The following SCN8A variants were observed in gnomAD, a reference collection of about 807,000 sequenced individuals.
SCN8A encodes sodium voltage-gated channel alpha subunit 8, also known as sodium channel protein type 8 subunit alpha.
SCN8A carries 30 observed loss-of-function variants against 184.1 expected under a neutral mutation model. The observed-to-expected ratio is 0.16, with a 90% CI of 0.12 to 0.22. SCN8A has a LOEUF of 0.22. Among genes scored for constraint, SCN8A ranks in the 10% least tolerant of loss-of-function variants. SCN8A has a pLI of 1.00. For missense variants in SCN8A, 1,057 were observed against 2,498.9 expected (o/e 0.42, Z 12.30); for synonymous variants, 852 against 907.0 (o/e 0.94, Z 1.09).
At chr12:51,650,265 C>T (rs1244285071) in intron 1 of SCN8A, among the ~76,000 whole-genome samples, 1 of 152,178 alleles carries the variant, frequency 6.6e-6, no homozygotes, top group East Asian at 1.9e-4. Flanking sequence ...TTCCTGTCTT[C>T]TTCTGAGCCC....
chr12:51,802,100 C>T (rs977553420), intron 26 of SCN8A, among the ~76,000 whole-genome samples: 4 of 152,038 alleles, frequency 2.6e-5, no homozygotes, highest in East Asian at 1.9e-4. Flanking sequence ...TAGCTCATCT[C>T]GTGAGTCACA....
At chr12:51,767,741 G>T (rs753041557) in intron 16 of SCN8A, among the ~76,000 whole-genome samples, 1 of 152,136 alleles carries the variant, frequency 6.6e-6, no homozygotes, top group Admixed American at 6.5e-5. Context: ...AGATTCTAAT[G>T]CATGCTAAGA....
chr12:51,662,912 G>A lies in SCN8A; in HGVS notation c.95G>A (p.Ser32Asn), dbSNP rs375419028. ...AACATTGAGAGGCGCATTGCTGAGAGCAAGCTCAAGAAACCACCAAAGGCC... is the reference window on the plus strand; with the variant it reads ...AACATTGAGAGGCGCATTGCTGAGAACAAGCTCAAGAAACCACCAAAGGCC... The part of the protein sequence containing the change: ...LANIERRIAE[S>N]KLKKPPKADG... The change falls in exon 2 of 27, where the codon AGC becomes AAC. Residue 32 changes from serine (S) to asparagine (N), a missense_variant. Transcript: ENST00000627620. The A allele has an allele frequency of 6.0e-5, 97 of 1,614,034 alleles. No homozygotes were observed. The highest frequency in any genetic ancestry group is 4.9e-4 in the Middle Eastern group (3 of 6,062).
rs1166472701 is a variant in SCN8A, at chr12:51,747,081, CTGTGTGTA to C, written c.2131+1054_2131+1061del. On this transcript the variant is annotated intron_variant, in intron 13 of 26. Transcript: ENST00000627620. ...ATTTAAACCCAGTGCCACTTCTACT[CTGTGTGTA>C]TGTGTGTGTGTGTGTGTGTGTGTGT... 5.8e-3 allele frequency among the ~76,000 whole-genome samples: 527 copies of C among 90,566 alleles called. 3 individuals carry two copies. The highest frequency in any genetic ancestry group is 0.013 in the East Asian group (41 of 3,218). The allele number at this position is 90,566 out of a possible 152,430, so 59.4% of individuals were successfully genotyped here.
At chr12:51,732,333 T>G (rs1054203792) in intron 12 of SCN8A, among the ~76,000 whole-genome samples, 1 of 152,216 alleles carries the variant, frequency 6.6e-6, no homozygotes, top group African/African-American at 2.4e-5. Context: ...GACTGTCTTT[T>G]CCCCAGTGTT....
At chr12:51,691,659 G>A (rs1941510819) in intron 6 of SCN8A, among the ~76,000 whole-genome samples, 1 of 152,146 alleles carries the variant, frequency 6.6e-6, no homozygotes, top group Non-Finnish European at 1.5e-5. Flanking sequence ...GGCTTTGGGA[G>A]GCTAACTGGG....
At chr12:51,688,536 T>C (rs935761927) in intron 5 of SCN8A, among the ~76,000 whole-genome samples, 2 of 152,226 alleles carry the variant, frequency 1.3e-5, no homozygotes, top group Non-Finnish European at 2.9e-5. Context: ...ATTACTATGC[T>C]GATTAAAGGA....
intron 1 of SCN8A, among the ~76,000 whole-genome samples, chr12:51,635,230 A>G (rs1270734194): frequency 6.6e-6 from 1 of 152,214 alleles, no homozygotes; most frequent in African/African-American, 2.4e-5. Flanking sequence ...TATCACTTTT[A>G]TAGAAAACTA....
intron 1 of SCN8A, among the ~76,000 whole-genome samples, chr12:51,617,085 ATTTC>A (rs1290851042): frequency 6.6e-6 from 1 of 151,834 alleles, no homozygotes; most frequent in East Asian, 1.9e-4. Flanking sequence ...TTGCACAAGG[ATTTC>A]TTTGAGTTTA....
At chr12:51,701,275 T>TA (rs1941682984) in intron 8 of SCN8A, 68 bp downstream of exon 8, 2 of 984,554 alleles carry the variant, frequency 2.0e-6, no homozygotes, top group African/African-American at 3.3e-5. Context: ...AGGGTCAAAA[T>TA]AGGCAATATG....
intron 6 of SCN8A, among the ~76,000 whole-genome samples, chr12:51,693,071 C>T (rs1450969421): frequency 6.6e-6 from 1 of 152,190 alleles, no homozygotes; most frequent in Non-Finnish European, 1.5e-5. Flanking sequence ...TGGGATCAGA[C>T]AGGAAGCAGG....
rs1938828734 is a variant in SCN8A, at chr12:51,809,653, C to T, written c.*2224C>T. On this transcript the variant is annotated 3_prime_UTR_variant, in exon 27 of 27. Coordinates refer to ENST00000627620, the MANE Select transcript of SCN8A (RefSeq NM_001330260.2). ...AGGCTACATTGTAAACAGCACAAAA[C>T]AGAAGCTGACATGTGTGGTTATTCT... 6.6e-6 allele frequency: 1 copy of T among 152,228 alleles called. No individual in the cohort carries two copies. The highest frequency in any genetic ancestry group is 6.5e-5 in the Admixed American group (1 of 15,280). 9.4% of individuals were successfully genotyped at this position (152,228 alleles called of 1,614,324 possible).
Position 51,811,900 on chromosome 12 carries a change from C to G in SCN8A, c.*4471C>G, listed in dbSNP as rs529747857. 1 of 152,356 alleles carries G rather than the reference C, an allele frequency of 6.6e-6. No homozygotes were observed. The highest frequency in any genetic ancestry group is 6.5e-5 in the Admixed American group (1 of 15,302). 9.4% of individuals were successfully genotyped at this position (152,356 alleles called of 1,614,324 possible). A position where few individuals can be genotyped will look rare whatever the true frequency, so the allele number is the denominator to read the frequency against. ...GCATCTTCTGTAATGATGCCTCTTT[C>G]TTTTCTCAGATGTTGCCCACAGTTT... On this transcript the variant is annotated 3_prime_UTR_variant, in exon 27 of 27. Coordinates refer to ENST00000627620, the MANE Select transcript of SCN8A (RefSeq NM_001330260.2).
At chr12:51,609,861 T>C (rs2138575074) in intron 1 of SCN8A, among the ~76,000 whole-genome samples, 1 of 150,748 alleles carries the variant, frequency 6.6e-6, no homozygotes, top group South Asian at 2.1e-4. Context: ...TTAGGAGATA[T>C]ACCTAATGTT....
At chr12:51,799,687 A>C (rs1033566344) in intron 26 of SCN8A, among the ~76,000 whole-genome samples, 4 of 152,028 alleles carry the variant, frequency 2.6e-5, no homozygotes, top group Non-Finnish European at 5.9e-5. Flanking sequence ...CCCACTCAAA[A>C]CTGGCAGCCT....
intron 11 of SCN8A, among the ~76,000 whole-genome samples, chr12:51,710,352 C>T (rs1941853995): frequency 6.6e-6 from 1 of 152,110 alleles, no homozygotes; most frequent in Admixed American, 6.6e-5. Flanking sequence ...CTGTGGTTTG[C>T]TCAAGAAACA....
chr12:51,802,176 G>C (rs148846037), intron 26 of SCN8A, among the ~76,000 whole-genome samples: 9 of 152,174 alleles, frequency 5.9e-5, no homozygotes, highest in Non-Finnish European at 8.8e-5. Context: ...AAACAAACAG[G>C]GGTGTTGGGG....
Position 51,730,454 on chromosome 12 carries a change from A to T in SCN8A, c.1998+8546A>T, listed in dbSNP as rs144086410. On this transcript the variant is annotated intron_variant, in intron 12 of 26. Coordinates refer to ENST00000627620, the MANE Select transcript of SCN8A (RefSeq NM_001330260.2). ...ACTTTAATTCTTGAAATGTGGTAGT[A>T]TAAGCCCTAAGAACAAAAAATAATA... is the stretch of plus-strand genomic sequence containing the variant. 4.6e-5 allele frequency among the ~76,000 whole-genome samples: 7 copies of T among 152,350 alleles called. No individual in the cohort carries two copies. In the East Asian group the frequency reaches 1.3e-3, roughly 29 times the overall value.
chr12:51,632,733 A>G (rs942522461), intron 1 of SCN8A, among the ~76,000 whole-genome samples: 3 of 152,198 alleles, frequency 2.0e-5, no homozygotes, highest in African/African-American at 7.2e-5. Flanking sequence ...TTCTTTTATG[A>G]ACAAGAGAAT....
Sources: allele counts gnomAD v4.1 joint callset (sites outside exome capture counted in the v4.1 genomes callset), GRCh38; gene constraint gnomAD v4.1.1; transcripts MANE v1.5; gene names NCBI Gene and HGNC (gene_info 2026-07-23, HGNC 2026-07-21).